The following SEC16A variants were observed in gnomAD, a reference collection of about 807,000 sequenced individuals.
SEC16A encodes protein transport protein Sec16A.
A neutral mutation model predicts 221.9 loss-of-function variants in SEC16A; 110 were observed. That is an observed-to-expected ratio of 0.50 (90% CI 0.42 to 0.58). The LOEUF (loss-of-function observed/expected upper bound fraction) is 0.58, where lower values mean the gene tolerates loss of function less well. SEC16A is among the 20% of genes least tolerant of loss of function. The probability of loss-of-function intolerance (pLI) is 0.00; values close to 1 mark genes in which losing one functional copy is unlikely to be tolerated. For synonymous variants in SEC16A, 1,393 were observed against 1,257.7 expected (o/e 1.11, Z -2.28); for missense variants, 3,165 against 3,097.8 (o/e 1.02, Z -0.52).
Position 136,447,806 on chromosome 9 carries a change from C to T in SEC16A, c.6447+47G>A, listed in dbSNP as rs1227181397. 1.9e-6 allele frequency: 3 copies of T among 1,576,620 alleles called. No homozygotes were observed. The Admixed American group carries it at 5.3e-5, about 28-fold the overall frequency. Reference sequence around the variant, plus strand: ...ATCACAGGGCCACATGAGGCTGTTCCCTCCACTCACACCTCACACCCAACA... The same window carrying T: ...ATCACAGGGCCACATGAGGCTGTTCTCTCCACTCACACCTCACACCCAACA... On this transcript the variant is annotated intron_variant, in intron 25 of 31. Coordinates refer to ENST00000684901, the MANE Select transcript of SEC16A (RefSeq NM_014866.2). This position sits in a 1 kb window ranked among gnomAD's most constrained non-coding sequence, Gnocchi z 5.5.
intron 4 of SEC16A, 87 bp from the exon 5 acceptor site, chr9:136,468,599 T>C: frequency 1.2e-6 from 1 of 825,092 alleles, no homozygotes; most frequent in Non-Finnish European, 2.0e-6. Flanking sequence ...CCCAAAGCAA[T>C]GGGCATTCAT....
Position 136,475,366 on chromosome 9 carries a change from A to G in SEC16A, c.2250T>C (p.Cys750=), listed in dbSNP as rs774307814. Residue 750 remains cysteine (C), a synonymous_variant, in exon 3 of 32, where the codon TGT becomes TGC. Transcript: ENST00000684901. This position sits in a 1 kb window ranked among gnomAD's most constrained non-coding sequence, Gnocchi z 5.0. The stretch of plus-strand genomic sequence containing the variant: ...GAACAACAGGTGGCTGAGGTTTTGC[A>G]CACACATAAAGCGCCGGGGCTGCAG... The part of the protein sequence containing the change: ...LAPAAPALYV[C]AKPQPPVVQP... 2.5e-6 allele frequency: 4 copies of G among 1,609,608 alleles called. No homozygotes were observed. Among genetic ancestry groups the G allele is most frequent in the Non-Finnish European group, 8.5e-7 (1 of 1,177,064 alleles).
intron 1 of SEC16A, among the ~76,000 whole-genome samples, chr9:136,479,947 A>G (rs1842114299): frequency 6.6e-6 from 1 of 151,924 alleles, no homozygotes; most frequent in African/African-American, 2.4e-5. Flanking sequence ...GGCTGCAGTG[A>G]GCCTTGTTCA....
Position 136,468,452 on chromosome 9 carries a change from G to A in SEC16A, c.3765C>T (p.Tyr1255=), listed in dbSNP as rs2132600968. Residue 1255 remains tyrosine, a synonymous_variant, in exon 5 of 32, where the codon TAC becomes TAT. Transcript: ENST00000684901. ...SKSGWSSQSD[Y]YASYYSSQYD... ...ACTGGCTGGAGTAATAGCTTGCATA[G>A]TAATCGCTCTGACTGCTCCATCCAC... is the stretch of plus-strand genomic sequence containing the variant. 2 of 1,613,462 alleles carry A rather than the reference G, an allele frequency of 1.2e-6. No homozygotes were observed. Among genetic ancestry groups the A allele is most frequent in the Non-Finnish European group, 1.7e-6 (2 of 1,179,414 alleles).
chr9:136,449,806 C>A (rs369050118), intron 23 of SEC16A, among the ~76,000 whole-genome samples: 2 of 152,180 alleles, frequency 1.3e-5, no homozygotes, highest in African/African-American at 4.8e-5. Context: ...TCAGAGCTCA[C>A]ACAAATTTGG....
intron 30 of SEC16A, 191 bp from the exon 31 acceptor site, chr9:136,444,091 A>T (rs929862994): frequency 2.0e-6 from 1 of 511,308 alleles, no homozygotes; most frequent in Non-Finnish European, 3.5e-6. Flanking sequence ...GGTGAAAATC[A>T]AAGCAACGTG....
rs118049182 is a variant in SEC16A at position 136,447,257 on chromosome 9, T to C, written c.6667A>G (p.Ile2223Val). ...DFVAPLAPLP[I>V]PSNLFVPTPD... ...GTTGGCACGAACAAGTTAGAAGGAA[T>C]TGGGAGTGGCGCGAGTGGAGCGACA... The change falls in exon 27 of 32, where the codon ATT becomes GTT. Residue 2223 changes from isoleucine to valine, a missense_variant. Physicochemically the swap from Ile to Val is conservative, Grantham distance 29. Around this residue, in one of 3 missense-constraint regions of SEC16A, gnomAD observed 1,088 missense variants for 1,089.6 expected, o/e 1.00. Transcript: ENST00000684901. The surrounding 1 kb of genome is among the most constrained non-coding windows in gnomAD (Gnocchi z 5.5). 1.1e-5 allele frequency: 18 copies of C among 1,597,182 alleles called. No individual in the cohort carries two copies. Among genetic ancestry groups the C allele is most frequent in the African/African-American group, 1.3e-5 (1 of 74,744 alleles).
rs960674080 is a variant in SEC16A, at chr9:136,440,206, G to C, written c.*1549C>G. 6.6e-6 allele frequency: 1 copy of C among 152,402 alleles called. No individual in the cohort carries two copies. The highest frequency in any genetic ancestry group is 1.5e-5 in the Non-Finnish European group (1 of 68,054). 9.4% of individuals were successfully genotyped at this position (152,402 alleles called of 1,614,324 possible). ...CTGGAGGAAGCTTCTTGAATCAAAA[G>C]TCGTGGCAGTCGACCCCAGAACAGC... On this transcript the variant is annotated 3_prime_UTR_variant, in exon 32 of 32. Transcript: ENST00000684901.
intron 12 of SEC16A, 83 bp downstream of exon 12, chr9:136,462,804 C>T: frequency 6.7e-7 from 1 of 1,501,530 alleles, no homozygotes; most frequent in Non-Finnish European, 8.9e-7. Context: ...GGGGCCACGT[C>T]CCTCCCTGAA....
intron 1 of SEC16A, among the ~76,000 whole-genome samples, chr9:136,482,296 C>T (rs992425218): frequency 2.6e-5 from 4 of 152,210 alleles, no homozygotes. Flanking sequence ...TTAACATCGG[C>T]ATCACACATG....
At chr9:136,473,009 T>C (rs1841091230) in intron 3 of SEC16A, among the ~76,000 whole-genome samples, 1 of 152,192 alleles carries the variant, frequency 6.6e-6, no homozygotes, top group South Asian at 2.1e-4. Context: ...TGTCCTTGTA[T>C]GGAAATAAAA....
At chr9:136,446,151 G>C (rs1408057242) in intron 28 of SEC16A, among the ~76,000 whole-genome samples, 1 of 151,174 alleles carries the variant, frequency 6.6e-6, no homozygotes, top group African/African-American at 2.4e-5. Context: ...TGTTGCCCGG[G>C]ATGGAGTGCA....
At chr9:136,448,980 C>T in intron 23 of SEC16A, 1 of 622,280 alleles carries the variant, frequency 1.6e-6, no homozygotes, top group Non-Finnish European at 2.9e-6. Context: ...CTTGGTGCCA[C>T]AGAACTGTGC....
rs756968403 is a variant in SEC16A, at chr9:136,475,669, G to A, written c.1947C>T (p.Ala649=). Residue 649 remains alanine, a synonymous_variant, in exon 3 of 32, where the codon GCC becomes GCT. Coordinates refer to ENST00000684901, the MANE Select transcript of SEC16A (RefSeq NM_014866.2). The surrounding 1 kb of genome is among the most constrained non-coding windows in gnomAD (Gnocchi z 5.0). ...CVRQKQCRPA[A]ALPDASPGNL... ...TGCCAGGGGAAGCATCGGGCAGGGC[G>A]GCAGCTGGTCTGCACTGCTTCTGGC... 9.9e-6 allele frequency: 16 copies of A among 1,613,706 alleles called. No individual in the cohort carries two copies. The highest frequency in any genetic ancestry group is 1.3e-5 in the Non-Finnish European group (15 of 1,179,824).
At chr9:136,468,601 G>C in intron 4 of SEC16A, 89 bp from the exon 5 acceptor site, 1 of 808,972 alleles carries the variant, frequency 1.2e-6, no homozygotes, top group East Asian at 2.6e-5. Flanking sequence ...CAAAGCAATG[G>C]GCATTCATCA....
intron 23 of SEC16A, among the ~76,000 whole-genome samples, chr9:136,449,394 C>T (rs1837475000): frequency 6.6e-6 from 1 of 152,218 alleles, no homozygotes; most frequent in Non-Finnish European, 1.5e-5. Context: ...GGATTACAGG[C>T]ACCCACCACC....
rs748542256 is a variant in SEC16A at position 136,463,148 on chromosome 9, G to A, written c.4648-16C>T. On this transcript the variant is annotated splice_polypyrimidine_tract_variant and intron_variant, in intron 11 of 31. Transcript: ENST00000684901. ...CTACCACGGTCTGTTTGGGTCAACA[G>A]GAACAGGAAGGAGAACAACGGCTCT... 1.2e-6 allele frequency: 2 copies of A among 1,605,340 alleles called. No individual in the cohort carries two copies. Among genetic ancestry groups the A allele is most frequent in the Admixed American group, 3.3e-5 (2 of 60,006 alleles).
intron 3 of SEC16A, 58 bp from the exon 4 acceptor site, chr9:136,472,169 C>G: frequency 6.2e-7 from 1 of 1,600,114 alleles, no homozygotes; most frequent in South Asian, 1.1e-5. Flanking sequence ...GCTCGTCCAA[C>G]AGCCAGCCTG....
Position 136,451,301 on chromosome 9 carries a change from C to T in SEC16A, c.6267G>A (p.Lys2089=), listed in dbSNP as rs961569117. 9 of 1,613,350 alleles carry T rather than the reference C, an allele frequency of 5.6e-6. No homozygotes were observed. In the African/African-American group the frequency reaches 1.1e-4, roughly 19 times the overall value. The change falls in exon 23 of 32, where the codon AAG becomes AAA. Residue 2089 remains lysine, a synonymous_variant. Coordinates refer to ENST00000684901, the MANE Select transcript of SEC16A (RefSeq NM_014866.2). ...CTTTCTTGGCTGCCTGTCCGGGTCTCTTTGTTTCGGGAGCGGGTGAGAGAG... is the reference window on the plus strand; with the variant it reads ...CTTTCTTGGCTGCCTGTCCGGGTCTTTTTGTTTCGGGAGCGGGTGAGAGAG... ...PLSLSPAPET[K]RPGQAAKKET... is the part of the protein sequence containing the mutation.
Sources: gnomAD v4.1 joint callset for allele counts (sites outside exome capture counted in the v4.1 genomes callset) on GRCh38, gnomAD v4.1.1 for gene constraint, gnomAD v4.1.1 regional missense constraint, Gnocchi (gnomAD v3.1) non-coding constraint, MANE v1.5 for transcripts, NCBI Gene and HGNC (gene_info 2026-07-23, HGNC 2026-07-21) for gene names.